Variants in RERE observed in about 807,000 individuals in gnomAD.
The protein encoded by RERE is arginine-glutamic acid dipeptide repeats protein.
Under a neutral mutation model 146.1 loss-of-function variants are expected in RERE, and 40 were observed. The observed-to-expected ratio is 0.27, with a 90% CI of 0.21 to 0.36. RERE has a LOEUF of 0.36. Among genes scored for constraint, RERE ranks in the 10% least tolerant of loss-of-function variants. The pLI is 1.00. For synonymous variants in RERE, 1,003 were observed against 866.0 expected (o/e 1.16, Z -2.78); for missense variants, 1,933 against 2,138.7 (o/e 0.90, Z 1.90).
At chr1:8,466,615 C>T (rs1439763649) in intron 10 of RERE, among the ~76,000 whole-genome samples, 3 of 152,098 alleles carry the variant, frequency 2.0e-5, no homozygotes, top group Non-Finnish European at 4.4e-5. Flanking sequence ...TTTGACTGTG[C>T]TAATTTCACA....
Position 8,360,106 on chromosome 1 carries a change from G to A in RERE, c.3395+6C>T. ...CTGACCCGTCCTGGAGCCCTAGGAA[G>A]CGTACCTAGCTGACTGGCTGGCGTG... On this transcript the variant is annotated splice_donor_region_variant and intron_variant, in intron 18 of 22. Coordinates refer to ENST00000400908, the MANE Select transcript of RERE (RefSeq NM_001042681.2). 1 of 1,574,878 alleles carries A rather than the reference G, an allele frequency of 6.3e-7. No homozygotes were observed. The highest frequency in any genetic ancestry group is 8.6e-7 in the Non-Finnish European group (1 of 1,158,410).
In RERE at chr1:8,775,106, G is replaced by A. The variant is rs532077508; in HGVS notation, c.-145+42054C>T. 2.3e-3 allele frequency among the ~76,000 whole-genome samples: 350 copies of A among 151,206 alleles called. 2 individuals are homozygous for A. Among genetic ancestry groups the A allele is most frequent in the African/African-American group, 7.8e-3 (322 of 41,222 alleles). ...CTCCCAAGTAGCTGGGATTACAGGC[G>A]CACGCCACCACGCCCGGCTAATTTT... is the stretch of plus-strand genomic sequence containing the variant. On this transcript the variant is annotated intron_variant, in intron 1 of 22. Coordinates refer to ENST00000400908, the MANE Select transcript of RERE (RefSeq NM_001042681.2).
intron 8 of RERE, among the ~76,000 whole-genome samples, chr1:8,504,893 T>C (rs964336633): frequency 2.6e-5 from 4 of 151,978 alleles, no homozygotes; most frequent in Admixed American, 6.6e-5. Context: ...TAATTACAAT[T>C]AAAAAAGAGA....
At chr1:8,556,434 G>C (rs1177127457) in intron 6 of RERE, 41 bp downstream of exon 6, 1 of 1,154,234 alleles carries the variant, frequency 8.7e-7, no homozygotes, top group Non-Finnish European at 1.3e-6. Context: ...TGCACTCAGT[G>C]ACTCCTCCTT....
intron 1 of RERE, among the ~76,000 whole-genome samples, chr1:8,738,712 C>A (rs1214269157): frequency 6.6e-6 from 1 of 152,154 alleles, no homozygotes; most frequent in Admixed American, 6.5e-5. Context: ...TTCACCTTCA[C>A]AAAAACCATA....
chr1:8,520,486 GA>G (rs1327473942), intron 7 of RERE, among the ~76,000 whole-genome samples: 1 of 151,892 alleles, frequency 6.6e-6, no homozygotes, highest in Non-Finnish European at 1.5e-5. Flanking sequence ...GTAATGTCAG[GA>G]AAAAAACTGG....
Position 8,497,527 on chromosome 1 carries a change from G to C in RERE, c.882C>G (p.Ala294=), listed in dbSNP as rs1645061437. ...GEIRVGPSHQ[A]KLPDLQPFPS... ...GAAATGGTTGCAGATCTGGAAGTTT[G>C]GCCTGTAAGACAGGGATGAGTAAGT... The change falls in exon 9 of 23, where the codon GCC becomes GCG. Residue 294 remains alanine, a splice_region_variant and synonymous_variant. Coordinates refer to ENST00000400908, the MANE Select transcript of RERE (RefSeq NM_001042681.2). 6.2e-7 allele frequency: 1 copy of C among 1,613,938 alleles called. No individual in the cohort carries two copies.
intron 1 of RERE, among the ~76,000 whole-genome samples, chr1:8,798,027 G>A (rs1356252549): frequency 6.6e-6 from 1 of 152,218 alleles, no homozygotes; most frequent in African/African-American, 2.4e-5. Flanking sequence ...GGAAGGCCAA[G>A]GTGGGAGGAT....
At chr1:8,484,176 T>C (rs771113765) in intron 10 of RERE, among the ~76,000 whole-genome samples, 4 of 152,250 alleles carry the variant, frequency 2.6e-5, no homozygotes, top group African/African-American at 4.8e-5. Context: ...ATTTTGTAAA[T>C]AGCCAAATAA....
chr1:8,572,759 C>G (rs1371608930), intron 4 of RERE, among the ~76,000 whole-genome samples: 1 of 152,138 alleles, frequency 6.6e-6, no homozygotes, highest in Non-Finnish European at 1.5e-5. Flanking sequence ...TTCCCCCAAC[C>G]CTCTCCTCTA....
rs759428382 is a variant in RERE, at chr1:8,422,775, C to G, written c.1236G>C (p.Gly412=). Residue 412 remains glycine (G), a synonymous_variant, in exon 12 of 23, where the codon GGG becomes GGC. Transcript: ENST00000400908. The part of the protein sequence containing the change: ...KRFVKGLRQY[G]KNFFRIRKEL... ...CCTTTCTAATTCTGAAGAAGTTCTT[C>G]CCGTACTGCCTGAGTCCCTTAACGA... is the stretch of plus-strand genomic sequence containing the variant. 1 of 1,614,018 alleles carries G rather than the reference C, an allele frequency of 6.2e-7. No individual in the cohort carries two copies. Among genetic ancestry groups the G allele is most frequent in the East Asian group, 2.2e-5 (1 of 44,888 alleles).
chr1:8,730,016 G>C (rs369124187), intron 1 of RERE, among the ~76,000 whole-genome samples: 1 of 152,180 alleles, frequency 6.6e-6, no homozygotes, highest in Admixed American at 6.5e-5. Flanking sequence ...GCTCACACCT[G>C]AGATAGGCTG....
At chr1:8,701,322 A>G (rs1639444780) in intron 1 of RERE, among the ~76,000 whole-genome samples, 1 of 25,146 alleles carries the variant, frequency 4.0e-5, no homozygotes, top group Non-Finnish European at 7.8e-5. Context: ...ACACACACAC[A>G]CGCACACACT....
At chr1:8,508,790 A>C in intron 7 of RERE, 115 bp from the exon 8 acceptor site, 1 of 797,092 alleles carries the variant, frequency 1.3e-6, no homozygotes, top group Non-Finnish European at 2.1e-6. Context: ...CTGAGGAAGA[A>C]TTAACGTCCC....
At chr1:8,656,939 T>G (rs1240673406) in intron 1 of RERE, among the ~76,000 whole-genome samples, 2 of 152,054 alleles carry the variant, frequency 1.3e-5, no homozygotes, top group Admixed American at 6.6e-5. Flanking sequence ...CAAAGCGAGA[T>G]CCCATCTCCA....
intron 1 of RERE, among the ~76,000 whole-genome samples, chr1:8,675,291 T>C (rs1638809036): frequency 6.6e-6 from 1 of 152,132 alleles, no homozygotes; most frequent in Non-Finnish European, 1.5e-5. Flanking sequence ...ACTTTCGATA[T>C]AGTTTTAAAT....
At chr1:8,422,259 T>G (rs1176475437) in intron 12 of RERE, among the ~76,000 whole-genome samples, 1 of 152,158 alleles carries the variant, frequency 6.6e-6, no homozygotes, top group Non-Finnish European at 1.5e-5. Context: ...GAGTTAAAAC[T>G]CCTCTTCAAA....
intron 10 of RERE, 94 bp from the exon 11 acceptor site, chr1:8,466,117 A>ATGTG (rs1298920559): frequency 1.9e-6 from 2 of 1,041,450 alleles, no homozygotes; most frequent in East Asian, 5.1e-5. Flanking sequence ...TATCTCCCAC[A>ATGTG]GAAGAGTCAG....
intron 1 of RERE, among the ~76,000 whole-genome samples, chr1:8,745,491 G>T (rs981179782): frequency 1.3e-5 from 2 of 152,104 alleles, no homozygotes; most frequent in African/African-American, 4.8e-5. Flanking sequence ...TCTCCCAAAT[G>T]TTTTCCATCT....
Sources: allele counts gnomAD v4.1 joint callset (sites outside exome capture counted in the v4.1 genomes callset), GRCh38; gene constraint gnomAD v4.1.1; transcripts MANE v1.5; gene names NCBI Gene and HGNC (gene_info 2026-07-23, HGNC 2026-07-21).